ERFL: variants seen among roughly 807,000 people sequenced by gnomAD.
ERFL encodes the protein ETS domain-containing transcription factor ERF-like.
A neutral mutation model predicts 27.9 loss-of-function variants in ERFL; 8 were observed. The observed-to-expected ratio is 0.29, with a 90% CI of 0.17 to 0.52. The LOEUF (loss-of-function observed/expected upper bound fraction) is 0.52, where lower values mean the gene tolerates loss of function less well. ERFL is among the 20% of genes least tolerant of loss of function. ERFL has a pLI of 0.97. For synonymous variants in ERFL, 174 were observed against 202.8 expected, an observed-to-expected ratio of 0.86 and a Z score of 1.21; for missense variants, 294 against 444.4, an observed-to-expected ratio of 0.66 and a Z score of 3.04.
chr19:41,913,513 A>G (rs2074767123), intron 1 of ERFL, among the ~76,000 whole-genome samples: 1 of 149,536 alleles, frequency 6.7e-6, no homozygotes, highest in African/African-American at 2.5e-5. Flanking sequence ...GACGGGCTGC[A>G]GGGGGGCAGG....
intron 2 of ERFL, among the ~76,000 whole-genome samples, chr19:41,912,003 A>G (rs2074755061): frequency 6.6e-6 from 1 of 151,912 alleles, no homozygotes; most frequent in Non-Finnish European, 1.5e-5. Context: ...GCACCAAGAC[A>G]GCCATGCGGA....
intron 1 of ERFL, among the ~76,000 whole-genome samples, chr19:41,920,339 G>A (rs201514592): frequency 2.3e-5 from 3 of 131,586 alleles, no homozygotes; most frequent in African/African-American, 5.8e-5. Context: ...ACACTCAGAC[G>A]TGATGCACTC....
intron 1 of ERFL, among the ~76,000 whole-genome samples, chr19:41,915,758 C>T (rs951426818): frequency 2.0e-5 from 3 of 152,200 alleles, no homozygotes; most frequent in African/African-American, 7.2e-5. Context: ...CCTTTGATCT[C>T]ACCCTGCCCC....
At chr19:41,913,364 T>C (rs1555851441) in intron 1 of ERFL, among the ~76,000 whole-genome samples, 1 of 150,882 alleles carries the variant, frequency 6.6e-6, no homozygotes, top group Non-Finnish European at 1.5e-5. Context: ...TCCCTGCGTC[T>C]CTGGGTCTCC....
chr19:41,911,169 G>A (rs1195730258), intron 2 of ERFL, among the ~76,000 whole-genome samples: 2 of 152,120 alleles, frequency 1.3e-5, no homozygotes, highest in Non-Finnish European at 2.9e-5. Flanking sequence ...TCAGCATCAC[G>A]TCTCACATGC....
rs1004831034 is a variant in ERFL at position 41,921,197 on chromosome 19, C to T, written c.-14+6843G>A. 7.2e-5 allele frequency among the ~76,000 whole-genome samples: 11 copies of T among 151,864 alleles called. No individual in the cohort carries two copies. The highest frequency in any genetic ancestry group is 4.2e-4 in the South Asian group (2 of 4,802). ...GGTCTGGCTGCTCCCCAACCTCACT[C>T]GTGGACCCCGCCTCCCCTCAGAGAC... On this transcript the variant is annotated intron_variant, in intron 1 of 5. Coordinates refer to ENST00000597630, the MANE Select transcript of ERFL (RefSeq NM_001365103.2). The surrounding 1 kb of genome is among the most constrained non-coding windows in gnomAD (Gnocchi z 4.4).
intron 1 of ERFL, among the ~76,000 whole-genome samples, chr19:41,914,237 G>A (rs948878106): frequency 4.4e-5 from 6 of 136,708 alleles, no homozygotes; most frequent in South Asian, 2.5e-4. Flanking sequence ...CTGTCTCCCC[G>A]TCTTTCTCCA....
rs1366652189 is a variant in ERFL at position 41,908,549 on chromosome 19, G to T, written c.744C>A (p.Pro248=). The change falls in exon 6 of 6, where the codon CCC becomes CCA. Residue 248 remains proline (P), a synonymous_variant. Transcript: ENST00000597630. This position sits in a 1 kb window ranked among gnomAD's most constrained non-coding sequence, Gnocchi z 6.7. ...PFPKLPPSLY[P]PHFYPNPLAS... is the part of the protein sequence containing the mutation. ...CCAGAGGGTTGGGGTAGAAATGCGG[G>T]GGGTAGAGAGAGGGAGGCAGCTTGG... The T allele has an allele frequency of 1.6e-6, 2 of 1,231,690 alleles. No homozygotes were observed. Among genetic ancestry groups the T allele is most frequent in the Non-Finnish European group, 2.0e-6 (2 of 988,058 alleles). The allele number at this position is 1,231,690 out of a possible 1,614,324, so 76.3% of individuals were successfully genotyped here. A position where few individuals can be genotyped will look rare whatever the true frequency, so the allele number is the denominator to read the frequency against.
At chr19:41,924,437 C>T (rs192829448) in intron 1 of ERFL, among the ~76,000 whole-genome samples, 240 of 152,176 alleles carry the variant, frequency 1.6e-3, no homozygotes, top group African/African-American at 5.6e-3. Context: ...ACAAATGAGA[C>T]AATGGGTGTG....
In ERFL at chr19:41,924,190, TC is replaced by T. The variant is rs1178128457; in HGVS notation, c.-14+3849del. 2.4e-4 allele frequency among the ~76,000 whole-genome samples: 36 copies of T among 151,502 alleles called. 1 individual carries two copies. Among genetic ancestry groups the T allele is most frequent in the Admixed American group, 2.3e-3 (35 of 15,230 alleles). On this transcript the variant is annotated intron_variant, in intron 1 of 5. Coordinates refer to ENST00000597630, the MANE Select transcript of ERFL (RefSeq NM_001365103.2). ...AATGGAGAAGCAAGTGTCACCAAAG[TC>T]CCTAGGTGGATAGGTGTGTCTGTGG... is the stretch of plus-strand genomic sequence containing the variant.
chr19:41,922,932 A>G (rs1043795446), intron 1 of ERFL, among the ~76,000 whole-genome samples: 4 of 151,640 alleles, frequency 2.6e-5, no homozygotes. Context: ...GCCTCTGCCC[A>G]CCTCTCCCTC....
At chr19:41,914,546 T>TCCCTCCCTTTCCACCGTCTCTGTCTC (rs2074775480) in intron 1 of ERFL, among the ~76,000 whole-genome samples, 1 of 118,384 alleles carries the variant, frequency 8.4e-6, no homozygotes, top group South Asian at 2.9e-4. Flanking sequence ...CTATCCGTCT[T>TCCCTCCCTTTCCACCGTCTCTGTCTC]TCCCTCCCCT....
At position 41,908,972 on chromosome 19, in the gene ERFL, T is replaced by A; in HGVS notation, c.616+88A>T. The A allele has an allele frequency of 1.2e-6, 1 of 845,776 alleles. No individual in the cohort carries two copies. The highest frequency in any genetic ancestry group is 3.4e-5 in the East Asian group (1 of 29,820). 52.4% of individuals were successfully genotyped at this position (845,776 alleles called of 1,614,324 possible). The stretch of plus-strand genomic sequence containing the variant: ...CTGGCCCTGGGCCCCCTTCCCCATC[T>A]CTTCTCTTGTCTTTTCTCATCCTCT... On this transcript the variant is annotated intron_variant, in intron 5 of 5. Coordinates refer to ENST00000597630, the MANE Select transcript of ERFL (RefSeq NM_001365103.2). The surrounding 1 kb of genome is among the most constrained non-coding windows in gnomAD (Gnocchi z 6.7).
At chr19:41,914,317 G>A (rs1599673764) in intron 1 of ERFL, among the ~76,000 whole-genome samples, 1 of 147,216 alleles carries the variant, frequency 6.8e-6, no homozygotes. Flanking sequence ...TCTCCCTTCC[G>A]TCTCCCCCCA....
At chr19:41,912,672 G>C (rs782579484) in intron 2 of ERFL, among the ~76,000 whole-genome samples, 181 bp downstream of exon 2, 2 of 152,218 alleles carry the variant, frequency 1.3e-5, no homozygotes, top group Non-Finnish European at 2.9e-5. Flanking sequence ...GGGGAATCTG[G>C]CTGCGAAGTT....
At chr19:41,925,325 G>A (rs1212409125) in intron 1 of ERFL, among the ~76,000 whole-genome samples, 1 of 152,104 alleles carries the variant, frequency 6.6e-6, no homozygotes, top group Non-Finnish European at 1.5e-5. Context: ...TAGGTATGTG[G>A]GAAAGAAGAG....
Position 41,909,873 on chromosome 19 carries a change from G to C in ERFL, c.292C>G (p.Arg98Gly). 1 of 1,611,202 alleles carries C rather than the reference G, an allele frequency of 6.2e-7. No individual in the cohort carries two copies. Among genetic ancestry groups the C allele is most frequent in the Non-Finnish European group, 8.5e-7 (1 of 1,178,632 alleles). ...CAAGCCCTTCCTCACCGCAGGGCCC[G>C]GCTCAGCTTGTCGTAATTCATGTGG... ...KPHMNYDKLS[R>G]ALRYYYNKRI... The change falls in exon 3 of 6, where the codon CGG becomes GGG. Residue 98 changes from arginine to glycine, a missense_variant. Coordinates refer to ENST00000597630, the MANE Select transcript of ERFL (RefSeq NM_001365103.2). The surrounding 1 kb of genome is among the most constrained non-coding windows in gnomAD (Gnocchi z 5.2).
Position 41,909,562 on chromosome 19 carries a change from G to A in ERFL, c.303-91C>T, listed in dbSNP as rs141818460. 5.9e-6 allele frequency: 6 copies of A among 1,014,126 alleles called. No individual in the cohort carries two copies. Among genetic ancestry groups the A allele is most frequent in the African/African-American group, 5.0e-5 (3 of 60,398 alleles). 62.8% of individuals were successfully genotyped at this position (1,014,126 alleles called of 1,614,324 possible). A position where few individuals can be genotyped will look rare whatever the true frequency, so the allele number is the denominator to read the frequency against. On this transcript the variant is annotated intron_variant, in intron 3 of 5. Transcript: ENST00000597630. The surrounding 1 kb of genome is among the most constrained non-coding windows in gnomAD (Gnocchi z 5.2). ...TAATGCGTGTGCTGTCCCAGGCATG[G>A]TGCACAGAGCACTAGAACTTGGGGA...
At position 41,908,183 on chromosome 19, in the gene ERFL, C is replaced by T; in HGVS notation, c.*45G>A. 8.2e-7 allele frequency: 1 copy of T among 1,222,504 alleles called. No individual in the cohort carries two copies. Among genetic ancestry groups the T allele is most frequent in the Non-Finnish European group, 1.0e-6 (1 of 979,620 alleles). 75.7% of individuals were successfully genotyped at this position (1,222,504 alleles called of 1,614,324 possible). On this transcript the variant is annotated 3_prime_UTR_variant, in exon 6 of 6. Transcript: ENST00000597630. The surrounding 1 kb of genome is among the most constrained non-coding windows in gnomAD (Gnocchi z 6.7). The stretch of plus-strand genomic sequence containing the variant: ...CCAGGCATCAAGGGCAGACGGGCAG[C>T]CACCCTGGTCCCTGCCTCAGCAGAA...
Sources: gnomAD v4.1 joint callset for allele counts (sites outside exome capture counted in the v4.1 genomes callset) on GRCh38, gnomAD v4.1.1 for gene constraint, Gnocchi (gnomAD v3.1) non-coding constraint, MANE v1.5 for transcripts, NCBI Gene and HGNC (gene_info 2026-07-23, HGNC 2026-07-21) for gene names.